Variants in SCAF4 observed in about 807,000 individuals in gnomAD.
The protein encoded by SCAF4 is SR-related CTD associated factor 4.
A neutral mutation model predicts 129.8 loss-of-function variants in SCAF4; 25 were observed. That is an observed-to-expected ratio of 0.19 (90% CI 0.14 to 0.27). The LOEUF is 0.27. Among genes scored for constraint, SCAF4 ranks in the 10% least tolerant of loss-of-function variants. The probability of loss-of-function intolerance (pLI) is 1.00; values close to 1 mark genes in which losing one functional copy is unlikely to be tolerated. For synonymous variants in SCAF4, 551 were observed against 497.7 expected, an observed-to-expected ratio of 1.11 and a Z score of -1.43; for missense variants, 1,246 against 1,457.1, an observed-to-expected ratio of 0.86 and a Z score of 2.36.
chr21:31,697,352 A>T (rs1001506853), intron 7 of SCAF4, among the ~76,000 whole-genome samples: 3 of 152,238 alleles, frequency 2.0e-5, no homozygotes, highest in Non-Finnish European at 2.9e-5. Flanking sequence ...ATGAGATCAC[A>T]TATCTAGAAG....
intron 1 of SCAF4, among the ~76,000 whole-genome samples, chr21:31,722,417 T>C (rs114933827): frequency 0.024 from 3,693 of 152,264 alleles, 145 homozygotes; most frequent in African/African-American, 0.084. Flanking sequence ...ATAAATTTTT[T>C]CTGGCATAAA....
intron 1 of SCAF4, 114 bp downstream of exon 1, chr21:31,731,549 C>T: frequency 7.8e-7 from 1 of 1,287,252 alleles, no homozygotes; most frequent in Non-Finnish European, 1.1e-6. Flanking sequence ...CGCCCCGGAA[C>T]CGGGGCAGGA....
At chr21:31,703,185 G>C (rs886417384) in intron 4 of SCAF4, among the ~76,000 whole-genome samples, 1 of 143,440 alleles carries the variant, frequency 7.0e-6, no homozygotes, top group African/African-American at 2.7e-5. Flanking sequence ...TTTCTTTCTG[G>C]AATAACCACA....
chr21:31,682,746 G>T (rs1017343084), intron 19 of SCAF4, among the ~76,000 whole-genome samples: 17 of 152,192 alleles, frequency 1.1e-4, no homozygotes, highest in African/African-American at 4.1e-4. Context: ...AGAGCACCAA[G>T]AGGAAATACC....
chr21:31,701,519 G>A (rs1045098233), intron 6 of SCAF4, among the ~76,000 whole-genome samples: 2 of 152,156 alleles, frequency 1.3e-5, no homozygotes, highest in African/African-American at 4.8e-5. Context: ...TGCTAGAATT[G>A]TGAGCAACAT....
At chr21:31,723,627 T>A (rs916028726) in intron 1 of SCAF4, among the ~76,000 whole-genome samples, 4 of 142,574 alleles carry the variant, frequency 2.8e-5, no homozygotes, top group Admixed American at 7.1e-5. Flanking sequence ...TGTGTGTGTG[T>A]GTGCGCGCGC....
chr21:31,675,129 C>G (rs1050387747), intron 19 of SCAF4, among the ~76,000 whole-genome samples: 11 of 151,948 alleles, frequency 7.2e-5, no homozygotes, highest in Admixed American at 5.9e-4. Flanking sequence ...GTTCAGAGAA[C>G]CACAATAAAA....
At chr21:31,729,225 C>T (rs2051285448) in intron 1 of SCAF4, among the ~76,000 whole-genome samples, 3 of 152,220 alleles carry the variant, frequency 2.0e-5, no homozygotes, top group Non-Finnish European at 2.9e-5. Context: ...ACCATCCTTA[C>T]TTTCCAGTAG....
At chr21:31,726,323 G>A (rs1164299930) in intron 1 of SCAF4, among the ~76,000 whole-genome samples, 2 of 152,128 alleles carry the variant, frequency 1.3e-5, no homozygotes, top group Non-Finnish European at 2.9e-5. Flanking sequence ...GGGATTACAG[G>A]TGTGAGCCAC....
At chr21:31,700,115 C>T (rs2050486738) in intron 7 of SCAF4, among the ~76,000 whole-genome samples, 1 of 151,870 alleles carries the variant, frequency 6.6e-6, no homozygotes, top group Non-Finnish European at 1.5e-5. Flanking sequence ...TGCACACCAC[C>T]ATACCCAGCT....
At position 31,671,581 on chromosome 21, in the gene SCAF4, C is replaced by T. The variant is rs2049695609; in HGVS notation, c.3262G>A (p.Gly1088Ser). The T allele has an allele frequency of 6.2e-7, 1 of 1,614,054 alleles. No homozygotes were observed. Among genetic ancestry groups the T allele is most frequent in the Non-Finnish European group, 8.5e-7 (1 of 1,180,018 alleles). The change falls in exon 20 of 20, where the codon GGT becomes AGT. Residue 1088 changes from glycine (G) to serine (S), a missense_variant. Gly to Ser is a moderately conservative substitution (Grantham distance 56). Transcript: ENST00000286835. ...GGAGGTTCAACGGTTTTGTTACCAC[C>T]TGCCCTGTCTGTCACCTCAGGCTTT... ...KEKPEVTDRA[G>S]GNKTVEPPIS...
chr21:31,708,053 C>A (rs537724317), intron 1 of SCAF4, among the ~76,000 whole-genome samples: 2 of 152,124 alleles, frequency 1.3e-5, no homozygotes, highest in Admixed American at 1.3e-4. Context: ...AAAAAATTAT[C>A]TTTGAGAATA....
At chr21:31,712,222 C>CT (rs11408552) in intron 1 of SCAF4, among the ~76,000 whole-genome samples, 119,740 of 135,426 alleles carry the variant, frequency 0.88, 53,309 homozygotes, top group East Asian at 0.98. Context: ...TTGTTTGTTG[C>CT]TTTTTTTTTT....
At chr21:31,692,062 A>G in intron 13 of SCAF4, 132 bp from the exon 14 acceptor site, 1 of 594,628 alleles carries the variant, frequency 1.7e-6, no homozygotes, top group Non-Finnish European at 2.9e-6. Context: ...ATTCATTTCT[A>G]AGTTGGCAAT....
At chr21:31,714,415 C>A (rs1446913015) in intron 1 of SCAF4, among the ~76,000 whole-genome samples, 1 of 152,280 alleles carries the variant, frequency 6.6e-6, no homozygotes, top group East Asian at 1.9e-4. Flanking sequence ...AAGAATGCTA[C>A]TTGTCAGCAG....
At position 31,690,791 on chromosome 21, in the gene SCAF4, C is replaced by CT. The variant is rs749151952; in HGVS notation, c.1885+5dup. 5 of 1,609,534 alleles carry CT rather than the reference C, an allele frequency of 3.1e-6. No individual in the cohort carries two copies. The East Asian group carries it at 1.1e-4, about 36-fold the overall frequency. On this transcript the variant is annotated splice_donor_region_variant and intron_variant, in intron 15 of 19. Coordinates refer to ENST00000286835, the MANE Select transcript of SCAF4 (RefSeq NM_020706.2). ...GAACTGTAAGAGAAATTAAATACTGCTTTACCTGGGTTAAGTGTGTCACTG... is the reference window on the plus strand; with the variant it reads ...GAACTGTAAGAGAAATTAAATACTGCTTTTACCTGGGTTAAGTGTGTCACTG...
chr21:31,720,514 T>C (rs965067192), intron 1 of SCAF4, among the ~76,000 whole-genome samples: 18 of 152,194 alleles, frequency 1.2e-4, no homozygotes, highest in Admixed American at 1.2e-3. Flanking sequence ...AATGGTCCAT[T>C]AGATAAGGAC....
chr21:31,702,610 A>G (rs1568847991), intron 4 of SCAF4, among the ~76,000 whole-genome samples: 1 of 152,162 alleles, frequency 6.6e-6, no homozygotes, highest in Non-Finnish European at 1.5e-5. Flanking sequence ...CCCAGACAAT[A>G]AAAAGAAATT....
At chr21:31,723,629 T>TGC (rs60041981) in intron 1 of SCAF4, among the ~76,000 whole-genome samples, 10,580 of 148,978 alleles carry the variant, frequency 0.071, 604 homozygotes, top group East Asian at 0.28. Context: ...TGTGTGTGTG[T>TGC]GCGCGCGCGC....
Sources: allele counts gnomAD v4.1 joint callset (sites outside exome capture counted in the v4.1 genomes callset), GRCh38; gene constraint gnomAD v4.1.1; transcripts MANE v1.5; gene names NCBI Gene and HGNC (gene_info 2026-07-23, HGNC 2026-07-21).